The following USP34 variants were observed in gnomAD, a reference collection of about 807,000 sequenced individuals.
USP34 encodes ubiquitin carboxyl-terminal hydrolase 34.
USP34 carries 70 observed loss-of-function variants against 460.3 expected under a neutral mutation model. That is an observed-to-expected ratio of 0.15 (90% CI 0.13 to 0.19). The LOEUF is 0.19. Among genes scored for constraint, USP34 ranks in the 10% least tolerant of loss-of-function variants. The pLI is 1.00. For synonymous variants in USP34, 1,647 were observed against 1,405.3 expected (o/e 1.17, Z -3.85); for missense variants, 3,985 against 4,236.2 (o/e 0.94, Z 1.65).
intron 79 of USP34, 34 bp from the exon 80 acceptor site, chr2:61,188,743 T>G (rs1268760731): frequency 1.3e-6 from 2 of 1,598,938 alleles, no homozygotes; most frequent in African/African-American, 2.7e-5. Flanking sequence ...GAAACTTCTC[T>G]GAAAGTCATT....
chr2:61,419,377 G>C (rs1010005043), intron 2 of USP34, among the ~76,000 whole-genome samples: 1 of 151,936 alleles, frequency 6.6e-6, no homozygotes, highest in East Asian at 1.9e-4. Context: ...GCTCTCGGTG[G>C]TTTGGAGGCA....
intron 1 of USP34, among the ~76,000 whole-genome samples, chr2:61,449,102 A>C (rs1244668290): frequency 6.6e-6 from 1 of 152,112 alleles, no homozygotes; most frequent in East Asian, 1.9e-4. Flanking sequence ...TGTTGCGGTG[A>C]GCCAAGATCG....
intron 27 of USP34, among the ~76,000 whole-genome samples, chr2:61,302,648 G>T (rs1035383504): frequency 6.6e-6 from 1 of 152,054 alleles, no homozygotes; most frequent in African/African-American, 2.4e-5. Context: ...TCCCCAAACT[G>T]AACAAGTCAT....
intron 38 of USP34, among the ~76,000 whole-genome samples, chr2:61,280,853 C>T (rs1158271472): frequency 1.3e-5 from 2 of 152,118 alleles, no homozygotes. Context: ...AATGCTATTT[C>T]TAAAATAGAG....
At chr2:61,206,649 T>A in intron 71 of USP34, 111 bp downstream of exon 71, 1 of 1,339,234 alleles carries the variant, frequency 7.5e-7, no homozygotes, top group Non-Finnish European at 1.0e-6. Context: ...CAGCCTCATC[T>A]TCTGTGCATA....
chr2:61,343,054 T>A (rs1558539425), intron 16 of USP34, among the ~76,000 whole-genome samples: 1 of 152,150 alleles, frequency 6.6e-6, no homozygotes, highest in African/African-American at 2.4e-5. Context: ...GGTCCACAAG[T>A]TGTGTTTCTA....
chr2:61,417,008 T>A, intron 2 of USP34: 2 of 1,326,776 alleles, frequency 1.5e-6, no homozygotes, highest in South Asian at 2.3e-5. Flanking sequence ...TTGAACTTGG[T>A]GAAGCCCCAC....
intron 43 of USP34, among the ~76,000 whole-genome samples, chr2:61,263,096 C>T (rs1179729296): frequency 6.6e-6 from 1 of 151,916 alleles, no homozygotes. Context: ...GCAACCTCCG[C>T]CTCCCAGGTT....
At chr2:61,302,111 T>C (rs1259521815) in intron 27 of USP34, among the ~76,000 whole-genome samples, 1 of 152,196 alleles carries the variant, frequency 6.6e-6, no homozygotes, top group South Asian at 2.1e-4. Context: ...AAATTAAGTA[T>C]TGTATAATGT....
In USP34 at chr2:61,236,457, T is replaced by C. The variant is rs976429866; in HGVS notation, c.6778-68A>G. ...TCATTACATTTTACCAATATTTTTA[T>C]TAGACAAAAAGTCTCTTCTAAAAAA... On this transcript the variant is annotated intron_variant, in intron 53 of 79. Transcript: ENST00000398571. 13 of 1,213,996 alleles carry C rather than the reference T, an allele frequency of 1.1e-5. No homozygotes were observed. The Admixed American group carries it at 3.3e-4, about 31-fold the overall frequency. The allele number at this position is 1,213,996 out of a possible 1,614,324, so 75.2% of individuals were successfully genotyped here.
At chr2:61,367,267 A>AT (rs1558552919) in intron 10 of USP34, among the ~76,000 whole-genome samples, 1 of 152,258 alleles carries the variant, frequency 6.6e-6, no homozygotes, top group Admixed American at 6.5e-5. Context: ...ACACTGTCTT[A>AT]TAAGGCAATA....
intron 65 of USP34, among the ~76,000 whole-genome samples, chr2:61,222,008 T>C (rs184070923): frequency 1.1e-4 from 16 of 152,322 alleles, no homozygotes; most frequent in Middle Eastern, 3.4e-3. Context: ...ATCTACTCAA[T>C]GATTTTCAAG....
chr2:61,199,626 T>C lies in USP34; in HGVS notation c.9508+3514A>G, dbSNP rs888525870. Among the ~76,000 whole-genome samples the C allele has an allele frequency of 3.3e-5, 5 of 152,216 alleles. No individual in the cohort carries two copies. In the East Asian group the frequency reaches 5.8e-4, roughly 18 times the overall value. On this transcript the variant is annotated intron_variant, in intron 75 of 79. Transcript: ENST00000398571. The stretch of plus-strand genomic sequence containing the variant: ...AGTGACATATTAAAGATTTGCCCCA[T>C]AGACAGCTAACCAGTTATGTCACTA...
At chr2:61,299,334 C>T (rs138156649) in intron 29 of USP34, among the ~76,000 whole-genome samples, 2 of 152,122 alleles carry the variant, frequency 1.3e-5, no homozygotes, top group African/African-American at 4.8e-5. Context: ...AATTGTGATT[C>T]ACTGCATAAG....
At chr2:61,316,624 C>A (rs1482837652) in intron 23 of USP34, among the ~76,000 whole-genome samples, 3 of 150,824 alleles carry the variant, frequency 2.0e-5, no homozygotes, top group African/African-American at 4.9e-5. Flanking sequence ...GTGGCTCATG[C>A]CTGTAATCCC....
In USP34 at chr2:61,195,469, C is replaced by T. The variant is rs534782977; in HGVS notation, c.9509-2489G>A. On this transcript the variant is annotated intron_variant, in intron 75 of 79. Coordinates refer to ENST00000398571, the MANE Select transcript of USP34 (RefSeq NM_014709.4). The stretch of plus-strand genomic sequence containing the variant: ...CAGGCAGATCATGAGGTCAGGAGTT[C>T]GAGACCAGCCTGACCAACATGGTGA... Among the ~76,000 whole-genome samples the T allele has an allele frequency of 2.0e-5, 3 of 151,340 alleles. No individual in the cohort carries two copies. The East Asian group carries it at 5.9e-4, about 30-fold the overall frequency.
intron 29 of USP34, among the ~76,000 whole-genome samples, chr2:61,300,528 T>C (rs1269324133): frequency 2.0e-5 from 3 of 147,560 alleles, no homozygotes; most frequent in African/African-American, 7.4e-5. Flanking sequence ...CCAGGCACGG[T>C]GGCTCATGCC....
intron 72 of USP34, 90 bp from the exon 73 acceptor site, chr2:61,204,691 C>G: frequency 2.0e-6 from 2 of 1,005,498 alleles, no homozygotes; most frequent in Non-Finnish European, 3.1e-6. Context: ...GATTGCCTCA[C>G]TACAACCAGT....
chr2:61,226,460 C>CA (rs1368366295), intron 62 of USP34, among the ~76,000 whole-genome samples: 34 of 152,180 alleles, frequency 2.2e-4, no homozygotes, highest in African/African-American at 8.2e-4. Context: ...CACACACATA[C>CA]ACACTCTCTC....
Sources: gnomAD v4.1 joint callset for allele counts (sites outside exome capture counted in the v4.1 genomes callset) on GRCh38, gnomAD v4.1.1 for gene constraint, MANE v1.5 for transcripts, NCBI Gene and HGNC (gene_info 2026-07-23, HGNC 2026-07-21) for gene names.